BTBD2: variants seen among roughly 807,000 people sequenced by gnomAD.
The protein encoded by BTBD2 is BTB/POZ domain-containing protein 2.
Under a neutral mutation model 44.0 loss-of-function variants are expected in BTBD2, and 15 were observed. The observed-to-expected ratio is 0.34, with a 90% CI of 0.23 to 0.53. The LOEUF (loss-of-function observed/expected upper bound fraction) is 0.53, where lower values mean the gene tolerates loss of function less well. BTBD2 is among the 20% of genes least tolerant of loss of function. BTBD2 has a pLI of 0.95. For synonymous variants in BTBD2, 443 were observed against 335.9 expected, an observed-to-expected ratio of 1.32 and a Z score of -3.49; for missense variants, 657 against 746.4, an observed-to-expected ratio of 0.88 and a Z score of 1.39.
rs900677782 is a variant in BTBD2, at chr19:2,015,386, G to C, written c.318C>G (p.Arg106=). ...WQASKPTVQE[R]FAFLFNNEVL... is the part of the protein sequence containing the mutation. ...CCTCGTTGTTGAAGAGGAAGGCGAAGCGCTCCTGCACGGTGGGCTTGCTGG... is the reference window on the plus strand; with the variant it reads ...CCTCGTTGTTGAAGAGGAAGGCGAACCGCTCCTGCACGGTGGGCTTGCTGG... The change falls in exon 1 of 9, where the codon CGC becomes CGG. Residue 106 remains arginine (R), a synonymous_variant. Coordinates refer to ENST00000255608, the MANE Select transcript of BTBD2 (RefSeq NM_017797.4). The C allele has an allele frequency of 3.2e-6, 5 of 1,582,640 alleles. No homozygotes were observed. The African/African-American group carries it at 6.8e-5, about 22-fold the overall frequency.
Position 2,015,631 on chromosome 19 carries a change from T to TGCCCCCCGTGCCC in BTBD2, c.60_72dup (p.Ser25GlyfsTer127). On this transcript the variant is annotated frameshift_variant, in exon 1 of 9. Coordinates refer to ENST00000255608, the MANE Select transcript of BTBD2 (RefSeq NM_017797.4). LOFTEE classifies it high-confidence loss of function. ...GCGGCGTTGGCGCTGGGCCCGGGAC[T>TGCCCCCCGTGCCC]GCCCCCCGTGCCCGGGCCGACCCCG... 1.0e-6 allele frequency: 1 copy of TGCCCCCCGTGCCC among 972,894 alleles called. No homozygotes were observed. Among genetic ancestry groups the TGCCCCCCGTGCCC allele is most frequent in the Non-Finnish European group, 1.2e-6 (1 of 827,128 alleles). 60.3% of individuals were successfully genotyped at this position (972,894 alleles called of 1,614,324 possible).
At chr19:1,987,458 A>T in intron 6 of BTBD2, 42 bp downstream of exon 6, 1 of 514,524 alleles carries the variant, frequency 1.9e-6, no homozygotes. Flanking sequence ...CGAGTCCTCC[A>T]CCCCCATGTC....
chr19:2,013,711 G>C, intron 1 of BTBD2: 1 of 982,886 alleles, frequency 1.0e-6, no homozygotes, highest in Non-Finnish European at 1.2e-6. Flanking sequence ...GGCGGGCAGG[G>C]GGTATCCCTG....
chr19:2,005,082 A>G (rs1320133367), intron 1 of BTBD2, among the ~76,000 whole-genome samples: 1 of 151,768 alleles, frequency 6.6e-6, no homozygotes, highest in Non-Finnish European at 1.5e-5. Flanking sequence ...GGCCTCCCAA[A>G]GTGCTGGGAT....
At chr19:2,004,815 C>CAA (rs567503133) in intron 1 of BTBD2, among the ~76,000 whole-genome samples, 2,437 of 147,118 alleles carry the variant, frequency 0.017, 56 homozygotes, top group African/African-American at 0.057. Flanking sequence ...CCCATCTCTA[C>CAA]AAAAAAAAAA....
chr19:2,013,585 G>A, intron 1 of BTBD2: 3 of 988,074 alleles, frequency 3.0e-6, no homozygotes, highest in Non-Finnish European at 3.6e-6. Flanking sequence ...GGCAGTGGCG[G>A]AGCTGGAGGT....
intron 1 of BTBD2, among the ~76,000 whole-genome samples, chr19:1,998,287 G>A (rs7251550): frequency 0.41 from 61,627 of 152,082 alleles, 13,587 homozygotes; most frequent in African/African-American, 0.58. Context: ...GGACCAAATG[G>A]CCGAACAGCC....
Position 2,015,389 on chromosome 19 carries a change from C to A in BTBD2, c.315G>T (p.Glu105Asp). 1 of 1,569,496 alleles carries A rather than the reference C, an allele frequency of 6.4e-7. No individual in the cohort carries two copies. The highest frequency in any genetic ancestry group is 1.1e-5 in the South Asian group (1 of 88,128). The change falls in exon 1 of 9, where the codon GAG becomes GAT. Residue 105 changes from glutamate to aspartate, a missense_variant. Glu to Asp is a conservative substitution (Grantham distance 45, BLOSUM62 2). Coordinates refer to ENST00000255608, the MANE Select transcript of BTBD2 (RefSeq NM_017797.4). ...CGTTGTTGAAGAGGAAGGCGAAGCG[C>A]TCCTGCACGGTGGGCTTGCTGGCCT... ...NWQASKPTVQERFAFLFNNEV... is the reference protein window; with the variant it reads ...NWQASKPTVQDRFAFLFNNEV...
chr19:2,005,002 A>G (rs2145644624), intron 1 of BTBD2, among the ~76,000 whole-genome samples: 1 of 151,586 alleles, frequency 6.6e-6, no homozygotes, highest in East Asian at 2.0e-4. Flanking sequence ...TTGTATTTTT[A>G]GTAGAGACGG....
chr19:1,988,588 G>A (rs12977902), intron 5 of BTBD2: 23,512 of 150,046 alleles, frequency 0.16, 2,730 homozygotes, highest in African/African-American at 0.33. Flanking sequence ...TTTTTGAGAC[G>A]GAGTTTCGCT....
At chr19:2,002,284 T>G (rs2016339331) in intron 1 of BTBD2, among the ~76,000 whole-genome samples, 1 of 152,180 alleles carries the variant, frequency 6.6e-6, no homozygotes, top group African/African-American at 2.4e-5. Flanking sequence ...TCTCGCTATG[T>G]TGCCCAGGCT....
At chr19:1,991,551 C>T (rs1390491662) in intron 3 of BTBD2, among the ~76,000 whole-genome samples, 3 of 152,320 alleles carry the variant, frequency 2.0e-5, no homozygotes, top group Middle Eastern at 3.4e-3. Context: ...TCCAGCAAGG[C>T]GACCAGATGA....
intron 2 of BTBD2, among the ~76,000 whole-genome samples, chr19:1,995,279 CTT>C (rs71174402): frequency 3.3e-5 from 4 of 122,670 alleles, no homozygotes; most frequent in Non-Finnish European, 5.2e-5. Flanking sequence ...ACTTTGGATT[CTT>C]TTTTTTTTTT....
Position 2,015,641 on chromosome 19 carries a change from G to A in BTBD2, c.63C>T (p.Gly21=), listed in dbSNP as rs1467213131. ...CGCTGGGCCCGGGACTGCCCCCCGT[G>A]CCCGGGCCGACCCCGACCCCCGGCG... ...SCPPGVGVGP[G]TGGSPGPSAN... is the part of the protein sequence containing the mutation. Residue 21 remains glycine (G), a synonymous_variant, in exon 1 of 9, where the codon GGC becomes GGT. Transcript: ENST00000255608. 8.1e-6 allele frequency: 8 copies of A among 989,822 alleles called. No homozygotes were observed. The highest frequency in any genetic ancestry group is 9.0e-5 in the South Asian group (2 of 22,136). The allele number at this position is 989,822 out of a possible 1,614,324, so 61.3% of individuals were successfully genotyped here. A position where few individuals can be genotyped will look rare whatever the true frequency, so the allele number is the denominator to read the frequency against.
rs572710022 is a variant in BTBD2 at position 1,986,819 on chromosome 19, C to T, written c.1416+11G>A. 64 of 1,597,538 alleles carry T rather than the reference C, an allele frequency of 4.0e-5. No individual in the cohort carries two copies. Among genetic ancestry groups the T allele is most frequent in the Non-Finnish European group, 4.5e-5 (53 of 1,171,530 alleles). On this transcript the variant is annotated intron_variant, in intron 8 of 8. Coordinates refer to ENST00000255608, the MANE Select transcript of BTBD2 (RefSeq NM_017797.4). Reference sequence around the variant, plus strand: ...ACTCCCACGGAGGGACCCCTGTCCCCGGCGGCGCACCTTGAGCGTGGCACA... The same window carrying T: ...ACTCCCACGGAGGGACCCCTGTCCCTGGCGGCGCACCTTGAGCGTGGCACA...
In BTBD2 at chr19:1,993,311, G is replaced by C. The variant is rs925613602; in HGVS notation, c.528-135C>G. On this transcript the variant is annotated intron_variant, in intron 2 of 8. Coordinates refer to ENST00000255608, the MANE Select transcript of BTBD2 (RefSeq NM_017797.4). ...GGCAGGACCCAAACACCCACATCAGGTTCCCCGAGGAACCTTCCAGAATTA... is the reference window on the plus strand; with the variant it reads ...GGCAGGACCCAAACACCCACATCAGCTTCCCCGAGGAACCTTCCAGAATTA... The C allele has an allele frequency of 3.9e-6, 5 of 1,283,324 alleles. No homozygotes were observed. In the African/African-American group the frequency reaches 7.6e-5, roughly 19 times the overall value. 79.5% of individuals were successfully genotyped at this position (1,283,324 alleles called of 1,614,324 possible). A position where few individuals can be genotyped will look rare whatever the true frequency, so the allele number is the denominator to read the frequency against.
intron 8 of BTBD2, 68 bp from the exon 9 acceptor site, chr19:1,986,717 C>T: frequency 7.5e-6 from 12 of 1,590,618 alleles, no homozygotes; most frequent in Non-Finnish European, 1.0e-5. Flanking sequence ...GTGGACAGGG[C>T]AAGGCCCCGA....
chr19:2,000,509 C>T (rs1005071057), intron 1 of BTBD2, among the ~76,000 whole-genome samples: 2 of 152,184 alleles, frequency 1.3e-5, no homozygotes, highest in African/African-American at 2.4e-5. Flanking sequence ...CTGACATGGG[C>T]GGGTCCCCAG....
chr19:1,997,199 C>G (rs887481588), intron 2 of BTBD2, 145 bp downstream of exon 2: 3 of 1,225,268 alleles, frequency 2.4e-6, no homozygotes, highest in Non-Finnish European at 3.4e-6. Context: ...AAAAAAAGTG[C>G]CTCTGGAACC....
Sources: allele counts gnomAD v4.1 joint callset (sites outside exome capture counted in the v4.1 genomes callset), GRCh38; gene constraint gnomAD v4.1.1; transcripts MANE v1.5; gene names NCBI Gene and HGNC (gene_info 2026-07-23, HGNC 2026-07-21).